The following EP300 variants were observed in gnomAD, a reference collection of about 807,000 sequenced individuals.
The protein encoded by EP300 is histone acetyltransferase p300.
In EP300, 31 loss-of-function variants were observed where a neutral mutation model predicts 264.0. That is an observed-to-expected ratio of 0.12 (90% CI 0.09 to 0.16). The LOEUF (loss-of-function observed/expected upper bound fraction) is 0.16. Among genes scored for constraint, EP300 ranks in the 10% least tolerant of loss-of-function variants. The pLI is 1.00. For synonymous variants in EP300, 1,340 were observed against 1,045.4 expected (o/e 1.28, Z -5.44); for missense variants, 2,766 against 3,052.9 (o/e 0.91, Z 2.21).
chr22:41,123,434 T>A (rs2058863332), intron 2 of EP300, among the ~76,000 whole-genome samples: 1 of 152,178 alleles, frequency 6.6e-6, no homozygotes, highest in African/African-American at 2.4e-5. Flanking sequence ...TTTTTTCTTT[T>A]ATAGAGGCAG....
Position 41,176,278 on chromosome 22 carries a change from C to T in EP300, c.4811C>T (p.Pro1604Leu), listed in dbSNP as rs1417064660. ...VFFVIRLIAG[P>L]AANSLPPIVD... ...TTTGTGATCCGCCTCATTGCTGGCC[C>T]TGCTGCCAACTCCCTGCCTCCCATT... The change falls in exon 30 of 31, where the codon CCT becomes CTT. Residue 1604 changes from proline to leucine, a missense_variant. By Grantham distance (98) the Pro-to-Leu change is moderately conservative. Transcript: ENST00000263253. 1.2e-6 allele frequency: 2 copies of T among 1,614,124 alleles called. No individual in the cohort carries two copies. The highest frequency in any genetic ancestry group is 1.7e-6 in the Non-Finnish European group (2 of 1,180,054).
intron 27 of EP300, 88 bp from the exon 28 acceptor site, chr22:41,172,411 C>G (rs911796236): frequency 2.4e-5 from 29 of 1,226,812 alleles, no homozygotes; most frequent in Non-Finnish European, 3.1e-5. Context: ...TTTAAGCTTT[C>G]ATGTTTCTTG....
At position 41,176,492 on chromosome 22, in the gene EP300, C is replaced by A. The variant is rs779813733; in HGVS notation, c.5025C>A (p.His1675Gln). ...TCTACACCTGCAATGAATGCAAGCACCATGTGGAGACACGCTGGCACTGTA... is the reference window on the plus strand; with the variant it reads ...TCTACACCTGCAATGAATGCAAGCAACATGTGGAGACACGCTGGCACTGTA... The part of the protein sequence containing the change: ...RFVYTCNECK[H>Q]HVETRWHCTV... The change falls in exon 30 of 31, where the codon CAC becomes CAA. Residue 1675 changes from histidine to glutamine, a missense_variant. Physicochemically the swap from His to Gln is conservative, Grantham distance 24. Coordinates refer to ENST00000263253, the MANE Select transcript of EP300 (RefSeq NM_001429.4). The A allele has an allele frequency of 6.2e-7, 1 of 1,614,104 alleles. No individual in the cohort carries two copies. Among genetic ancestry groups the A allele is most frequent in the Non-Finnish European group, 8.5e-7 (1 of 1,180,044 alleles).
chr22:41,173,396 T>C (rs1332960922), intron 28 of EP300, among the ~76,000 whole-genome samples: 1 of 152,216 alleles, frequency 6.6e-6, no homozygotes, highest in African/African-American at 2.4e-5. Context: ...CTGTGGCCTC[T>C]TCTAGGCAAA....
intron 27 of EP300, among the ~76,000 whole-genome samples, chr22:41,170,829 A>T (rs989529002): frequency 7.3e-5 from 11 of 150,852 alleles, no homozygotes; most frequent in Non-Finnish European, 1.5e-4. Flanking sequence ...ACCCGGCTAA[A>T]TTTTTTTGTA....
At position 41,176,766 on chromosome 22, in the gene EP300, T is replaced by C; in HGVS notation, c.5062-7T>C. The C allele has an allele frequency of 6.2e-7, 1 of 1,613,926 alleles. No homozygotes were observed. Among genetic ancestry groups the C allele is most frequent in the Non-Finnish European group, 8.5e-7 (1 of 1,180,038 alleles). Reference sequence around the variant, plus strand: ...GAGTTTACGTGCACCTCCTGTTTTTTCCCTAGGATTATGACTTGTGTATCA... The same window carrying C: ...GAGTTTACGTGCACCTCCTGTTTTTCCCCTAGGATTATGACTTGTGTATCA... On this transcript the variant is annotated splice_region_variant and splice_polypyrimidine_tract_variant and intron_variant, in intron 30 of 30. Coordinates refer to ENST00000263253, the MANE Select transcript of EP300 (RefSeq NM_001429.4).
At chr22:41,144,899 A>G (rs1569104943) in intron 10 of EP300, among the ~76,000 whole-genome samples, 2 of 145,674 alleles carry the variant, frequency 1.4e-5, no homozygotes, top group Non-Finnish European at 3.0e-5. Context: ...TGGCTGCTTT[A>G]AAAAAAAAAG....
chr22:41,115,188 A>T (rs971902383), intron 1 of EP300, among the ~76,000 whole-genome samples: 3 of 152,198 alleles, frequency 2.0e-5, no homozygotes, highest in Non-Finnish European at 4.4e-5. Context: ...TAATACTGTC[A>T]ATAGGTCAAT....
chr22:41,128,018 C>T (rs1486872266), intron 4 of EP300, among the ~76,000 whole-genome samples: 1 of 151,848 alleles, frequency 6.6e-6, no homozygotes, highest in East Asian at 1.9e-4. Context: ...CAAGACCTCG[C>T]CGGGCATGAT....
chr22:41,109,479 T>G (rs2058776795), intron 1 of EP300, among the ~76,000 whole-genome samples: 1 of 152,078 alleles, frequency 6.6e-6, no homozygotes, highest in African/African-American at 2.4e-5. Flanking sequence ...CCAAGAAAAA[T>G]GCCTGACACA....
In EP300 at chr22:41,135,872, G is replaced by C; in HGVS notation, c.1588G>C (p.Asp530His). The change falls in exon 7 of 31, where the codon GAC becomes CAC. Residue 530 changes from aspartate to histidine, a missense_variant. Physicochemically the swap from Asp to His is moderately conservative, Grantham distance 81. Coordinates refer to ENST00000263253, the MANE Select transcript of EP300 (RefSeq NM_001429.4). ...AGTTCAAACGCCGAGTCTTCTTTCT[G>C]ACTCAATGTTGCATTCAGCCATAAA... Reference protein sequence around the residue: ...VGVQTPSLLSDSMLHSAINSQ... With the variant: ...VGVQTPSLLSHSMLHSAINSQ... 1 of 1,614,024 alleles carries C rather than the reference G, an allele frequency of 6.2e-7. No homozygotes were observed. The highest frequency in any genetic ancestry group is 8.5e-7 in the Non-Finnish European group (1 of 1,179,974).
In EP300 at chr22:41,179,876, C is replaced by CCCCCCA. The variant is rs1266790744; in HGVS notation, c.*921_*922insCCCCAC. On this transcript the variant is annotated 3_prime_UTR_variant, in exon 31 of 31. Coordinates refer to ENST00000263253, the MANE Select transcript of EP300 (RefSeq NM_001429.4). ...GCTTTCTTCCTCCTTACCCTACCCCCCACTCACACACACACACACACACAC... is the reference window on the plus strand; with the variant it reads ...GCTTTCTTCCTCCTTACCCTACCCCCCCCCCACACTCACACACACACACACACACAC... 1 of 131,170 alleles carries CCCCCCA rather than the reference C, an allele frequency of 7.6e-6. No homozygotes were observed. Among genetic ancestry groups the CCCCCCA allele is most frequent in the African/African-American group, 3.6e-5 (1 of 27,928 alleles). 8.1% of individuals were successfully genotyped at this position (131,170 alleles called of 1,614,324 possible). A position where few individuals can be genotyped will look rare whatever the true frequency, so the allele number is the denominator to read the frequency against.
chr22:41,150,053 C>T lies in EP300; in HGVS notation c.2672C>T (p.Thr891Ile), dbSNP rs1432735340. 1.2e-6 allele frequency: 2 copies of T among 1,613,994 alleles called. No homozygotes were observed. The highest frequency in any genetic ancestry group is 1.7e-6 in the Non-Finnish European group (2 of 1,180,038). The change falls in exon 14 of 31, where the codon ACA becomes ATA. Residue 891 changes from threonine (T) to isoleucine (I), a missense_variant. By Grantham distance (89) the Thr-to-Ile change is moderately conservative (BLOSUM62 -1). Transcript: ENST00000263253. ...PPRQTPTPPT[T>I]QLPQQVQPSL... ...AGGCAGACACCTACACCACCAACAA[C>T]ACAACTTCCCCAACAAGTGCAGCCT...
At chr22:41,160,083 C>T (rs547807787) in intron 19 of EP300, 44 of 155,048 alleles carry the variant, frequency 2.8e-4, no homozygotes, top group Non-Finnish European at 5.0e-4. Flanking sequence ...GGTGTGATTC[C>T]TGTATTTAGG....
Position 41,177,988 on chromosome 22 carries a change from G to A in EP300, c.6277G>A (p.Ala2093Thr), listed in dbSNP as rs2145520023. 1 of 1,614,158 alleles carries A rather than the reference G, an allele frequency of 6.2e-7. No individual in the cohort carries two copies. ...AFIKQRAAKY[A>T]NSNPQPIPGQ... The stretch of plus-strand genomic sequence containing the variant: ...CATCAAGCAGCGGGCTGCCAAGTAT[G>A]CCAACTCTAATCCACAACCCATCCC... The change falls in exon 31 of 31, where the codon GCC becomes ACC. Residue 2093 changes from alanine (A) to threonine (T), a missense_variant. By Grantham distance (58) the Ala-to-Thr change is moderately conservative. Transcript: ENST00000263253.
chr22:41,105,086 A>G (rs1298458460), intron 1 of EP300, among the ~76,000 whole-genome samples: 1 of 150,716 alleles, frequency 6.6e-6, no homozygotes, highest in Non-Finnish European at 1.5e-5. Flanking sequence ...AGTCCCAGCT[A>G]CTCAGGAGGC....
rs1192534143 is a variant in EP300, at chr22:41,177,558, A to G, written c.5847A>G (p.Gln1949=). ...AGATGGCCCACGTGCAAATTTTTCA[A>G]AGGCCAATCCAACACCAGATGCCCC... The part of the protein sequence containing the change: ...QRQMAHVQIF[Q]RPIQHQMPPM... The change falls in exon 31 of 31, where the codon CAA becomes CAG. Residue 1949 remains glutamine, a synonymous_variant. Coordinates refer to ENST00000263253, the MANE Select transcript of EP300 (RefSeq NM_001429.4). 1.2e-6 allele frequency: 2 copies of G among 1,614,136 alleles called. No individual in the cohort carries two copies. Among genetic ancestry groups the G allele is most frequent in the Admixed American group, 1.7e-5 (1 of 60,022 alleles).
chr22:41,131,713 T>C, intron 6 of EP300, 80 bp downstream of exon 6: 1 of 1,596,662 alleles, frequency 6.3e-7, no homozygotes, highest in Non-Finnish European at 8.6e-7. Context: ...GTTAGCTCCT[T>C]TTTATTTTTT....
intron 10 of EP300, 153 bp from the exon 11 acceptor site, chr22:41,146,586 A>T (rs2059011723): frequency 1.4e-6 from 1 of 691,364 alleles, no homozygotes; most frequent in South Asian, 1.7e-5. Context: ...ATTTTCTTCA[A>T]GCTTCTGTCT....
Sources: gnomAD v4.1 joint callset for allele counts (sites outside exome capture counted in the v4.1 genomes callset) on GRCh38, gnomAD v4.1.1 for gene constraint, MANE v1.5 for transcripts, NCBI Gene and HGNC (gene_info 2026-07-23, HGNC 2026-07-21) for gene names.